The following LZIC variants were observed in gnomAD, a reference collection of about 807,000 sequenced individuals.
The protein encoded by LZIC is leucine zipper and CTNNBIP1 domain containing.
LZIC carries 28 observed loss-of-function variants against 25.4 expected under a neutral mutation model. That is an observed-to-expected ratio of 1.10 (90% CI 0.82 to 1.51). The LOEUF is 1.51. LZIC is among the 40% of genes most tolerant of loss of function. The pLI is 0.00. For missense variants in LZIC, 170 were observed against 211.1 expected, an observed-to-expected ratio of 0.81 and a Z score of 1.21; for synonymous variants, 65 against 70.7, an observed-to-expected ratio of 0.92 and a Z score of 0.40.
At chr1:9,931,803 A>C (rs1282331863) in intron 7 of LZIC, 88 bp downstream of exon 7, 1 of 803,116 alleles carries the variant, frequency 1.2e-6, no homozygotes, top group Non-Finnish European at 2.0e-6. Flanking sequence ...AAAGGTTATT[A>C]TGTTATTTCA....
intron 2 of LZIC, among the ~76,000 whole-genome samples, chr1:9,937,524 AAC>A (rs550961842): frequency 0.017 from 2,656 of 151,994 alleles, 33 homozygotes; most frequent in Non-Finnish European, 0.027. Context: ...CAGCTTGGGC[AAC>A]AGAGTGAGAC....
intron 5 of LZIC, among the ~76,000 whole-genome samples, chr1:9,933,107 T>C (rs536153074): frequency 6.6e-6 from 1 of 151,082 alleles, no homozygotes; most frequent in Non-Finnish European, 1.5e-5. Context: ...ACAAAAAAAG[T>C]AGCCAGGCAT....
At chr1:9,940,608 G>A (rs368903688) in intron 2 of LZIC, among the ~76,000 whole-genome samples, 59 of 152,264 alleles carry the variant, frequency 3.9e-4, no homozygotes, top group Middle Eastern at 3.4e-3. Context: ...GTGAGCCACC[G>A]CACACAGCAT....
downstream of LZIC, among the ~76,000 whole-genome samples, chr1:9,925,573 A>C (rs538493409): frequency 9.2e-5 from 14 of 152,136 alleles, no homozygotes; most frequent in Non-Finnish European, 1.8e-4. Context: ...AAGCTCTTCA[A>C]CAGTATCGAC....
chr1:9,943,074 C>A, intron 1 of LZIC, 175 bp downstream of exon 1: 1 of 265,096 alleles, frequency 3.8e-6, no homozygotes, highest in South Asian at 3.8e-5. Context: ...AGGGTTTGGC[C>A]CAGAACCAAC....
intron 2 of LZIC, 68 bp from the exon 3 acceptor site, chr1:9,936,695 T>C: frequency 4.7e-6 from 5 of 1,063,044 alleles, no homozygotes; most frequent in Non-Finnish European, 7.1e-6. Flanking sequence ...TTAAGTTTTA[T>C]TTTTTGTAGA....
At position 9,928,205 on chromosome 1, in the gene LZIC, C is replaced by T. The variant is rs938591114; in HGVS notation, c.*2194G>A. On this transcript the variant is annotated 3_prime_UTR_variant, in exon 8 of 8. Coordinates refer to ENST00000377223, the MANE Select transcript of LZIC (RefSeq NM_032368.5). ...GGCGCATGCCTTAATCCCAGCTACT[C>T]GGGAGGCTGAGGCAGGAGAATCGCT... is the stretch of plus-strand genomic sequence containing the variant. Among the ~76,000 whole-genome samples the T allele has an allele frequency of 1.1e-4, 16 of 151,722 alleles. No homozygotes were observed. The highest frequency in any genetic ancestry group is 2.0e-4 in the Admixed American group (3 of 15,216).
At chr1:9,933,016 A>G in intron 5 of LZIC, 118 bp from the exon 6 acceptor site, 1 of 636,486 alleles carries the variant, frequency 1.6e-6, no homozygotes, top group Non-Finnish European at 2.7e-6. Flanking sequence ...CTTTGGGCGG[A>G]TCACGAGGCG....
In LZIC at chr1:9,927,398, T is replaced by G. The variant is rs1298279341; in HGVS notation, c.*3001A>C. Among the ~76,000 whole-genome samples the G allele has an allele frequency of 6.6e-6, 1 of 152,066 alleles. No individual in the cohort carries two copies. Among genetic ancestry groups the G allele is most frequent in the African/African-American group, 2.4e-5 (1 of 41,408 alleles). On this transcript the variant is annotated 3_prime_UTR_variant, in exon 8 of 8. Coordinates refer to ENST00000377223, the MANE Select transcript of LZIC (RefSeq NM_032368.5). ...TTCACTGCAACCTCTGCTTCCCAGG[T>G]TCAGGTGATCCTCTGACCTCAGCTT...
chr1:9,935,881 G>A (rs1386322487), intron 3 of LZIC, among the ~76,000 whole-genome samples: 4 of 152,104 alleles, frequency 2.6e-5, no homozygotes, highest in Non-Finnish European at 5.9e-5. Context: ...TGTAATCCCA[G>A]CACTTTGGAA....
chr1:9,934,889 C>CA (rs1477861650), intron 4 of LZIC, 29 bp from the exon 5 acceptor site: 3 of 1,474,280 alleles, frequency 2.0e-6, no homozygotes, highest in African/African-American at 2.8e-5. Flanking sequence ...AAAAACTAAC[C>CA]AAAATAGTCC....
intron 5 of LZIC, among the ~76,000 whole-genome samples, chr1:9,933,270 AAAAAAAAAAAAAAAT>A (rs1640310464): frequency 1.4e-5 from 2 of 142,972 alleles, no homozygotes; most frequent in Non-Finnish European, 3.0e-5. Context: ...AAAAAAAAAA[AAAAAAAAAAAAAAAT>A]ATATATATAT....
At chr1:9,936,955 C>A (rs981398925) in intron 2 of LZIC, among the ~76,000 whole-genome samples, 1 of 151,916 alleles carries the variant, frequency 6.6e-6, no homozygotes, top group Non-Finnish European at 1.5e-5. Flanking sequence ...CATGGTGAAA[C>A]CCCATCTCTA....
At chr1:9,940,854 T>C (rs191544533) in intron 2 of LZIC, among the ~76,000 whole-genome samples, 2 of 152,300 alleles carry the variant, frequency 1.3e-5, no homozygotes, top group Admixed American at 6.5e-5. Flanking sequence ...TGTATAATAG[T>C]TTAGTGGATT....
In LZIC at chr1:9,929,207, A is replaced by G. The variant is rs1640112907; in HGVS notation, c.*1192T>C. 1 of 578,246 alleles carries G rather than the reference A, an allele frequency of 1.7e-6. No individual in the cohort carries two copies. The highest frequency in any genetic ancestry group is 7.6e-5 in the South Asian group (1 of 13,226). 35.8% of individuals were successfully genotyped at this position (578,246 alleles called of 1,614,324 possible). A position where few individuals can be genotyped will look rare whatever the true frequency, so the allele number is the denominator to read the frequency against. On this transcript the variant is annotated 3_prime_UTR_variant, in exon 8 of 8. Transcript: ENST00000377223. The stretch of plus-strand genomic sequence containing the variant: ...GAATTTCACCTCTTTTAAGTTCCAA[A>G]TAAGGCATCAGTGTAGCGGAGGTCC...
rs542101965 is a variant in LZIC at position 9,932,612 on chromosome 1, G to C, written c.432+191C>G. Among the ~76,000 whole-genome samples, 11 of 151,252 alleles carry C rather than the reference G, an allele frequency of 7.3e-5. 1 individual carries two copies. Among genetic ancestry groups the C allele is most frequent in the East Asian group, 5.8e-4 (3 of 5,142 alleles). ...GCAGGAGAATTGCTTGAACCCAGGA[G>C]GGGGAGGTTGCAGTGAGCTGAGATC... On this transcript the variant is annotated intron_variant, in intron 6 of 7. Transcript: ENST00000377223.
At chr1:9,933,015 G>A in intron 5 of LZIC, 117 bp from the exon 6 acceptor site, 2 of 642,840 alleles carry the variant, frequency 3.1e-6, no homozygotes, top group South Asian at 1.9e-5. Context: ...ACTTTGGGCG[G>A]ATCACGAGGC....
chr1:9,930,096 A>G lies in LZIC; in HGVS notation c.*303T>C. On this transcript the variant is annotated 3_prime_UTR_variant, in exon 8 of 8. Coordinates refer to ENST00000377223, the MANE Select transcript of LZIC (RefSeq NM_032368.5). ...CGTTCACTATCAACACTTAAAAACA[A>G]ACAGCCTTAATAAAAATCAAGTCCA... 1 of 1,117,334 alleles carries G rather than the reference A, an allele frequency of 8.9e-7. No homozygotes were observed. The highest frequency in any genetic ancestry group is 3.3e-5 in the South Asian group (1 of 30,504). 69.2% of individuals were successfully genotyped at this position (1,117,334 alleles called of 1,614,324 possible).
intron 3 of LZIC, among the ~76,000 whole-genome samples, 199 bp from the exon 4 acceptor site, chr1:9,935,826 T>C (rs1210863484): frequency 6.6e-6 from 1 of 152,150 alleles, no homozygotes; most frequent in Non-Finnish European, 1.5e-5. Flanking sequence ...AAAATGAGGA[T>C]ACTTAAGAAA....
Sources: allele counts gnomAD v4.1 joint callset (sites outside exome capture counted in the v4.1 genomes callset), GRCh38; gene constraint gnomAD v4.1.1; transcripts MANE v1.5; gene names NCBI Gene and HGNC (gene_info 2026-07-23, HGNC 2026-07-21).